The following NOX1 variants were observed in gnomAD, a reference collection of about 807,000 sequenced individuals.
NOX1 encodes NADPH oxidase 1.
In NOX1, 34 loss-of-function variants were observed where a neutral mutation model predicts 42.5. That is an observed-to-expected ratio of 0.80 (90% CI 0.61 to 1.07). The LOEUF (loss-of-function observed/expected upper bound fraction) is 1.07, where lower values mean the gene tolerates loss of function less well. Ranked by LOEUF, NOX1 falls within the 50% of genes least tolerant of loss-of-function variation. The pLI, the probability that NOX1 is intolerant of heterozygous loss-of-function variation, is 0.00. For synonymous variants in NOX1, 143 were observed against 152.5 expected, an observed-to-expected ratio of 0.94 and a Z score of 0.46; for missense variants, 408 against 427.0, an observed-to-expected ratio of 0.96 and a Z score of 0.39.
chrX:100,868,743 T>C (rs1291562535), intron 2 of NOX1, among the ~76,000 whole-genome samples: 1 of 111,792 alleles, frequency 8.9e-6, no homozygotes, highest in Non-Finnish European at 1.9e-5. Flanking sequence ...CCAAACTCTT[T>C]CTTAAAATTG....
Position 100,862,182 on chromosome X carries a change from G to A in NOX1, c.793C>T (p.His265Tyr). Residue 265 changes from histidine (H) to tyrosine (Y), a missense_variant, in exon 7 of 13, where the codon CAT (histidine) becomes TAT (tyrosine). Coordinates refer to ENST00000372966, the MANE Select transcript of NOX1 (RefSeq NM_007052.5). ...CGTAGGGCTCTTACCTCAGGGGGAT[G>A]CCCTTCAAACTTAGGGCGCCTACAG... Reference protein sequence around the residue: ...SHCRRPKFEGHPPESWKWILA... With the variant: ...SHCRRPKFEGYPPESWKWILA... 5 of 1,211,860 alleles carry A rather than the reference G, an allele frequency of 4.1e-6. No homozygotes were observed. The highest frequency in any genetic ancestry group is 1.7e-5 in the African/African-American group (1 of 57,935).
chrX:100,850,042 A>G (rs1432412342), intron 9 of NOX1, 108 bp from the exon 10 acceptor site: 2 of 978,779 alleles, frequency 2.0e-6, no homozygotes, highest in African/African-American at 3.9e-5. Flanking sequence ...CTGCATATTT[A>G]TTATAATCCT....
intron 2 of NOX1, 60 bp from the exon 3 acceptor site, chrX:100,863,655 C>A (rs1178994557): frequency 1.7e-6 from 2 of 1,148,284 alleles, no homozygotes; most frequent in Non-Finnish European, 2.3e-6. Context: ...AGCACGTGAG[C>A]AACTGACCCA....
At position 100,843,574 on chromosome X, in the gene NOX1, A is replaced by C. The variant is rs1220135607; in HGVS notation, c.*378T>G. ...CTTCTGTGGGGGTGGGAGGGACAAA[A>C]GATTACAAACCAAAACTCAGGAGAT... is the stretch of plus-strand genomic sequence containing the variant. On this transcript the variant is annotated 3_prime_UTR_variant, in exon 13 of 13. Coordinates refer to ENST00000372966, the MANE Select transcript of NOX1 (RefSeq NM_007052.5). The C allele has an allele frequency of 1.3e-6, 1 of 788,779 alleles. No homozygotes were observed. Among genetic ancestry groups the C allele is most frequent in the African/African-American group, 2.2e-5 (1 of 45,353 alleles). The allele number at this position is 788,779 out of a possible 1,213,427, so 65.0% of individuals were successfully genotyped here. A position where few individuals can be genotyped will look rare whatever the true frequency, so the allele number is the denominator to read the frequency against.
In NOX1 at chrX:100,851,267, A is replaced by G. The variant is rs1304401988; in HGVS notation, c.863T>C (p.Phe288Ser). 1.7e-6 allele frequency: 2 copies of G among 1,196,677 alleles called. No individual in the cohort carries two copies. The highest frequency in any genetic ancestry group is 2.3e-6 in the Non-Finnish European group (2 of 885,790). The change falls in exon 8 of 13, where the codon TTT becomes TCT. Residue 288 changes from phenylalanine to serine, a missense_variant. Physicochemically the swap from Phe to Ser is radical, Grantham distance 155 (BLOSUM62 -2). Coordinates refer to ENST00000372966, the MANE Select transcript of NOX1 (RefSeq NM_007052.5). ...CACAACCTTCTGCTGGGAGCGGTAA[A>G]ACCGGAGGATCCTTTCACAGATATA... ...ILYICERILR[F>S]YRSQQKVVIT...
chrX:100,870,623 G>A (rs2085268318), intron 2 of NOX1, 96 bp downstream of exon 2: 1 of 614,774 alleles, frequency 1.6e-6, no homozygotes. Flanking sequence ...GGCAACCCTA[G>A]CCCTAGAGAA....
intron 1 of NOX1, among the ~76,000 whole-genome samples, chrX:100,871,245 GT>G (rs751761337): frequency 6.4e-4 from 72 of 112,542 alleles, no homozygotes; most frequent in Non-Finnish European, 3.2e-4. Context: ...GTTTATGGCT[GT>G]TTTTGTGATA....
chrX:100,857,766 TTTG>T (rs201068279), intron 7 of NOX1, among the ~76,000 whole-genome samples: 2,721 of 110,544 alleles, frequency 0.025, 102 homozygotes, highest in African/African-American at 0.084. Flanking sequence ...TTTGTGTTTT[TTTG>T]TTGTTGTTGT....
intron 7 of NOX1, among the ~76,000 whole-genome samples, chrX:100,853,261 C>CTTTCTTTCTTTCTT (rs2085129900): frequency 4.3e-5 from 1 of 23,437 alleles, no homozygotes; most frequent in Non-Finnish European, 7.1e-5. Context: ...TTCCTTCCTT[C>CTTTCTTTCTTTCTT]CTTTCTTTCT....
At chrX:100,863,276 G>A (rs779522190) in intron 3 of NOX1, 33 bp from the exon 4 acceptor site, 16 of 1,095,075 alleles carry the variant, frequency 1.5e-5, no homozygotes, top group East Asian at 3.0e-5. Flanking sequence ...GTCAGATGTC[G>A]CCAGCCAGCT....
chrX:100,853,429 T>TCTTTC (rs1266551383), intron 7 of NOX1, among the ~76,000 whole-genome samples: 2 of 101,363 alleles, frequency 2.0e-5, no homozygotes, highest in Non-Finnish European at 2.0e-5. Flanking sequence ...CTTTCTTTTT[T>TCTTTC]TTTTTTGACA....
chrX:100,847,691 G>A (rs752016386), intron 12 of NOX1, among the ~76,000 whole-genome samples: 1 of 106,593 alleles, frequency 9.4e-6, no homozygotes, highest in East Asian at 2.9e-4. Flanking sequence ...GCTTGAACCC[G>A]GGATTCGGAG....
chrX:100,872,862 G>C (rs1449620320), intron 1 of NOX1, among the ~76,000 whole-genome samples: 2 of 110,446 alleles, frequency 1.8e-5, no homozygotes, highest in Non-Finnish European at 3.8e-5. Flanking sequence ...TACTTGCCAG[G>C]TTCCCTTTCT....
chrX:100,867,173 C>T (rs2085244006), intron 2 of NOX1, among the ~76,000 whole-genome samples: 1 of 111,090 alleles, frequency 9.0e-6, no homozygotes, highest in South Asian at 3.9e-4. Context: ...GCTGGGACTA[C>T]AGGCGCTCGC....
chrX:100,849,814 C>G lies in NOX1; in HGVS notation c.1254G>C (p.Trp418Cys). Reference sequence around the variant, plus strand: ...TGTGGTCTGCACACTGGAATTTGTACCAGATGGATTTCAAGATAGAAGCAA... The same window carrying G: ...TGTGGTCTGCACACTGGAATTTGTAGCAGATGGATTTCAAGATAGAAGCAA... ...TPFASILKSIWYKFQCADHNL... is the reference protein window; with the variant it reads ...TPFASILKSICYKFQCADHNL... The change falls in exon 10 of 13, where the codon TGG becomes TGC. Residue 418 changes from tryptophan to cysteine, a missense_variant. Physicochemically the swap from Trp to Cys is radical, Grantham distance 215 (BLOSUM62 -2). Coordinates refer to ENST00000372966, the MANE Select transcript of NOX1 (RefSeq NM_007052.5). The G allele has an allele frequency of 8.3e-7, 1 of 1,210,773 alleles. No individual in the cohort carries two copies.
chrX:100,845,822 C>T (rs1339164494), intron 12 of NOX1, among the ~76,000 whole-genome samples: 5 of 103,625 alleles, frequency 4.8e-5, no homozygotes, highest in African/African-American at 1.1e-4. Flanking sequence ...ATCTCGCTGT[C>T]GCCCAGGCTG....
intron 7 of NOX1, chrX:100,856,279 A>T: frequency 1.2e-6 from 1 of 848,255 alleles, no homozygotes. Context: ...CCCATCACTC[A>T]TAATGGCTCC....
At chrX:100,861,157 CTTAAGGTGCT>C in intron 7 of NOX1, among the ~76,000 whole-genome samples, 1 of 111,510 alleles carries the variant, frequency 9.0e-6, no homozygotes, top group Non-Finnish European at 1.9e-5. Context: ...CCCACGTGGT[CTTAAGGTGCT>C]TTTATGGTTT....
intron 7 of NOX1, among the ~76,000 whole-genome samples, chrX:100,853,327 TCTTTC>T (rs1417776844): frequency 1.4e-3 from 27 of 19,811 alleles, no homozygotes; most frequent in African/African-American, 3.3e-3. Context: ...TCTTTCTCTC[TCTTTC>T]TCTTTCTTTC....
Sources: gnomAD v4.1 joint callset for allele counts (sites outside exome capture counted in the v4.1 genomes callset) on GRCh38, gnomAD v4.1.1 for gene constraint, MANE v1.5 for transcripts, NCBI Gene and HGNC (gene_info 2026-07-23, HGNC 2026-07-21) for gene names.